DPYS: variants seen among roughly 807,000 people sequenced by gnomAD.
The protein encoded by DPYS is dihydropyrimidinase.
DPYS carries 39 observed loss-of-function variants against 50.3 expected under a neutral mutation model. The ratio of observed to expected loss-of-function variants is 0.78; its 90% CI spans 0.60 to 1.01. DPYS has a LOEUF of 1.01. Among genes scored for constraint, DPYS ranks in the 50% least tolerant of loss-of-function variants. DPYS has a pLI of 0.00. For missense variants in DPYS, 659 were observed against 680.9 expected, an observed-to-expected ratio of 0.97 and a Z score of 0.36; for synonymous variants, 245 against 250.7, an observed-to-expected ratio of 0.98 and a Z score of 0.22.
At chr8:104,448,362 G>A (rs1290393361) in intron 2 of DPYS, among the ~76,000 whole-genome samples, 1 of 152,000 alleles carries the variant, frequency 6.6e-6, no homozygotes, top group Non-Finnish European at 1.5e-5. Flanking sequence ...CACCATGTTG[G>A]CCAGGCTGGT....
At chr8:104,423,467 G>A (rs776300721) in intron 7 of DPYS, among the ~76,000 whole-genome samples, 6 of 152,164 alleles carry the variant, frequency 3.9e-5, no homozygotes, top group Admixed American at 6.6e-5. Flanking sequence ...CCAAGAAACC[G>A]TAGACTTTTT....
chr8:104,399,312 AACAAC>A (rs1564083840), intron 7 of DPYS, among the ~76,000 whole-genome samples: 2 of 31,392 alleles, frequency 6.4e-5, no homozygotes, highest in African/African-American at 8.1e-5. Flanking sequence ...AAAAAAAAAC[AACAAC>A]AAAAAAAAAC....
intron 4 of DPYS, among the ~76,000 whole-genome samples, chr8:104,430,800 A>G (rs1812928848): frequency 6.6e-6 from 1 of 152,192 alleles, no homozygotes; most frequent in Admixed American, 6.5e-5. Context: ...GTAACCAAGT[A>G]TCAATAAAAG....
chr8:104,422,953 G>A (rs757513494), intron 7 of DPYS, among the ~76,000 whole-genome samples: 19 of 152,118 alleles, frequency 1.2e-4, no homozygotes, highest in Non-Finnish European at 2.5e-4. Flanking sequence ...TTTTTCCATT[G>A]CCTTTCCAAG....
At chr8:104,407,157 A>C (rs2140561240) in intron 7 of DPYS, among the ~76,000 whole-genome samples, 1 of 152,288 alleles carries the variant, frequency 6.6e-6, no homozygotes, top group South Asian at 2.1e-4. Context: ...ATTTTATTTA[A>C]CCCTATGGAA....
At chr8:104,407,014 A>G (rs956371777) in intron 7 of DPYS, among the ~76,000 whole-genome samples, 1 of 152,254 alleles carries the variant, frequency 6.6e-6, no homozygotes, top group South Asian at 2.1e-4. Flanking sequence ...AGTGGTTGGA[A>G]GCCATGGCCA....
At chr8:104,451,112 T>C (rs1813720649) in intron 2 of DPYS, 134 bp downstream of exon 2, 3 of 1,072,276 alleles carry the variant, frequency 2.8e-6, no homozygotes, top group Non-Finnish European at 4.2e-6. Flanking sequence ...TACAAAAGAA[T>C]ATGCAATGAA....
At chr8:104,441,238 T>G (rs529326610) in intron 4 of DPYS, among the ~76,000 whole-genome samples, 31 of 152,300 alleles carry the variant, frequency 2.0e-4, no homozygotes, top group Admixed American at 5.2e-4. Context: ...ATTTTAAATA[T>G]TTCATGTTTA....
At chr8:104,416,375 AG>A (rs1214988111) in intron 7 of DPYS, among the ~76,000 whole-genome samples, 7 of 152,310 alleles carry the variant, frequency 4.6e-5, no homozygotes. Flanking sequence ...ACTTTGCAAA[AG>A]CACAACCTGA....
At chr8:104,459,460 A>G (rs1365865260) in intron 1 of DPYS, among the ~76,000 whole-genome samples, 2 of 152,334 alleles carry the variant, frequency 1.3e-5, no homozygotes, top group African/African-American at 4.8e-5. Flanking sequence ...ACCAGCCACA[A>G]TGCCTGGCAC....
intron 8 of DPYS, among the ~76,000 whole-genome samples, chr8:104,382,935 C>A (rs1414148318): frequency 1.3e-5 from 2 of 152,202 alleles, no homozygotes; most frequent in East Asian, 3.9e-4. Flanking sequence ...CATTCCGTCT[C>A]CCTCTTCCTA....
chr8:104,465,099 T>C (rs544030943), intron 1 of DPYS, among the ~76,000 whole-genome samples: 2 of 152,308 alleles, frequency 1.3e-5, no homozygotes, highest in South Asian at 2.1e-4. Flanking sequence ...CTTCCTTTTT[T>C]TCTGTTAATC....
In DPYS at chr8:104,428,096, C is replaced by T; in HGVS notation, c.976G>A (p.Asp326Asn). 3 of 1,614,212 alleles carry T rather than the reference C, an allele frequency of 1.9e-6. No individual in the cohort carries two copies. Among genetic ancestry groups the T allele is most frequent in the Non-Finnish European group, 2.5e-6 (3 of 1,180,028 alleles). The change falls in exon 6 of 10, where the codon GAT (aspartate) becomes AAT (asparagine). Residue 326 changes from aspartate to asparagine, a missense_variant. Asp to Asn is a conservative substitution (Grantham distance 23). Transcript: ENST00000351513. ...ANDDLTTTGT[D>N]NCTFNTCQKA... ...TGGCAGGTGTTGAAAGTGCAGTTAT[C>T]AGTCCCTGTTGTGGTTAGATCATCA...
chr8:104,433,563 G>C (rs1054384767), intron 4 of DPYS, among the ~76,000 whole-genome samples: 2 of 152,064 alleles, frequency 1.3e-5, no homozygotes, highest in Non-Finnish European at 2.9e-5. Flanking sequence ...GAACCCAAAA[G>C]GTAGAGGGTG....
intron 1 of DPYS, among the ~76,000 whole-genome samples, chr8:104,465,205 C>T (rs899972954): frequency 6.0e-5 from 9 of 149,734 alleles, no homozygotes; most frequent in Admixed American, 2.0e-4. Flanking sequence ...AAGTAGCTAT[C>T]ACCAAAACTG....
At chr8:104,444,114 G>C in intron 4 of DPYS, 134 bp downstream of exon 4, 1 of 940,594 alleles carries the variant, frequency 1.1e-6, no homozygotes, top group East Asian at 2.6e-5. Context: ...AAACCAGGAG[G>C]CTAATAAAAA....
chr8:104,453,179 T>C (rs992306332), intron 1 of DPYS, among the ~76,000 whole-genome samples: 2 of 152,254 alleles, frequency 1.3e-5, no homozygotes, highest in African/African-American at 4.8e-5. Context: ...ACTCCAATTC[T>C]TTTTGCTCTC....
chr8:104,465,120 A>G (rs1203349776), intron 1 of DPYS, among the ~76,000 whole-genome samples: 2 of 152,120 alleles, frequency 1.3e-5, no homozygotes, highest in Admixed American at 6.5e-5. Context: ...ATTCCAGTCA[A>G]TTATAGAGGA....
intron 4 of DPYS, among the ~76,000 whole-genome samples, chr8:104,432,048 C>T (rs1272250242): frequency 6.6e-6 from 1 of 152,148 alleles, no homozygotes; most frequent in Non-Finnish European, 1.5e-5. Context: ...CTGTCTTCAG[C>T]CTGGTACTAT....
Sources: allele counts gnomAD v4.1 joint callset (sites outside exome capture counted in the v4.1 genomes callset), GRCh38; gene constraint gnomAD v4.1.1; transcripts MANE v1.5; gene names NCBI Gene and HGNC (gene_info 2026-07-23, HGNC 2026-07-21).